ABLIM1: variants seen among roughly 807,000 people sequenced by gnomAD.
ABLIM1 encodes actin binding LIM protein 1.
Under a neutral mutation model 107.0 loss-of-function variants are expected in ABLIM1, and 40 were observed. The ratio of observed to expected loss-of-function variants is 0.37; its 90% confidence interval spans 0.29 to 0.49. ABLIM1 has a LOEUF of 0.49. ABLIM1 is among the 20% of genes least tolerant of loss of function. The probability of loss-of-function intolerance (pLI) is 0.97; values close to 1 mark genes in which losing one functional copy is unlikely to be tolerated. For synonymous variants in ABLIM1, 357 were observed against 357.3 expected, an observed-to-expected ratio of 1.00 and a Z score of 0.01; for missense variants, 857 against 1,008.5, an observed-to-expected ratio of 0.85 and a Z score of 2.04.
intron 1 of ABLIM1, among the ~76,000 whole-genome samples, chr10:114,715,434 T>C (rs992768410): frequency 1.3e-5 from 2 of 152,208 alleles, no homozygotes. Flanking sequence ...GCTCTTTCCT[T>C]AGTAAGAACC....
chr10:114,620,416 T>A (rs371286550), intron 1 of ABLIM1, among the ~76,000 whole-genome samples: 2 of 151,658 alleles, frequency 1.3e-5, no homozygotes, highest in African/African-American at 2.4e-5. Context: ...CCACACAATA[T>A]TTTTTTTTCT....
intron 10 of ABLIM1, 150 bp from the exon 11 acceptor site, chr10:114,468,366 C>T (rs2065663687): frequency 1.5e-6 from 1 of 671,460 alleles, no homozygotes; most frequent in Non-Finnish European, 2.6e-6. Context: ...TCTCCGCCTC[C>T]CAGGTTCAAG....
intron 8 of ABLIM1, 78 bp from the exon 9 acceptor site, chr10:114,474,034 C>A: frequency 3.7e-6 from 4 of 1,082,294 alleles, no homozygotes; most frequent in Middle Eastern, 2.0e-4. Flanking sequence ...TTAAGCTTTA[C>A]TAAAAACTCA....
intron 6 of ABLIM1, among the ~76,000 whole-genome samples, chr10:114,509,315 T>C (rs2061543453): frequency 6.6e-6 from 1 of 152,114 alleles, no homozygotes; most frequent in South Asian, 2.1e-4. Context: ...TGGACCCTGG[T>C]CTTTGTGGCC....
chr10:114,629,871 C>T lies in ABLIM1; in HGVS notation c.245-27910G>A, dbSNP rs1042098511. ...ACAAACAAACAAAAATGAAACGAAA[C>T]GAAACAAACCTGCCTTTCTCTGTTG... On this transcript the variant is annotated intron_variant, in intron 1 of 22. Coordinates refer to ENST00000533213, the MANE Select transcript of ABLIM1 (RefSeq NM_002313.7). This position sits in a 1 kb window ranked among gnomAD's most constrained non-coding sequence, Gnocchi z 4.0. Among the ~76,000 whole-genome samples, 8 of 152,106 alleles carry T rather than the reference C, an allele frequency of 5.3e-5. No homozygotes were observed. The highest frequency in any genetic ancestry group is 2.1e-4 in the South Asian group (1 of 4,828).
At chr10:114,757,323 G>A (rs1026152719) in intron 1 of ABLIM1, among the ~76,000 whole-genome samples, 3 of 152,138 alleles carry the variant, frequency 2.0e-5, no homozygotes, top group African/African-American at 7.2e-5. Flanking sequence ...GCTAGATGAT[G>A]ATCTCAGGCA....
intron 1 of ABLIM1, among the ~76,000 whole-genome samples, chr10:114,676,947 G>A (rs1375187270): frequency 4.6e-5 from 7 of 152,134 alleles, no homozygotes; most frequent in African/African-American, 1.7e-4. Flanking sequence ...TGTTGGCCAG[G>A]CTGGTCCCAA....
intron 1 of ABLIM1, among the ~76,000 whole-genome samples, chr10:114,727,957 C>T (rs141664270): frequency 1.5e-3 from 223 of 152,212 alleles, no homozygotes; most frequent in African/African-American, 5.2e-3. Flanking sequence ...TGTTCAAAAA[C>T]AGCCACCATA....
chr10:114,746,624 A>G (rs1172111153), intron 1 of ABLIM1, among the ~76,000 whole-genome samples: 1 of 152,126 alleles, frequency 6.6e-6, no homozygotes, highest in Non-Finnish European at 1.5e-5. Context: ...TAGTTTCTGG[A>G]GGAACCTCCA....
At chr10:114,801,204 A>T in the ABLIM1 span, among the ~76,000 whole-genome samples, 2 of 152,194 alleles carry the variant, frequency 1.3e-5, no homozygotes, top group African/African-American at 2.4e-5. Context: ...ACTTGACAAC[A>T]AGAGTCCTAG....
At position 114,490,734 on chromosome 10, in the gene ABLIM1, C is replaced by CATAT. The variant is rs10603115; in HGVS notation, c.982+1053_982+1056dup. Reference sequence around the variant, plus strand: ...AATTTCAGAGAACATAAAAACTGATCATATATATATATATATAATCAGTTT... The same window carrying CATAT: ...AATTTCAGAGAACATAAAAACTGATCATATATATATATATATATATAATCAGTTT... On this transcript the variant is annotated intron_variant, in intron 7 of 22. Coordinates refer to ENST00000533213, the MANE Select transcript of ABLIM1 (RefSeq NM_002313.7). 4.0e-4 allele frequency among the ~76,000 whole-genome samples: 60 copies of CATAT among 148,286 alleles called. 1 individual carries two copies. Among genetic ancestry groups the CATAT allele is most frequent in the African/African-American group, 1.4e-3 (57 of 40,504 alleles).
intron 1 of ABLIM1, among the ~76,000 whole-genome samples, chr10:114,691,494 T>G (rs1005204123): frequency 3.9e-5 from 6 of 152,200 alleles, no homozygotes; most frequent in African/African-American, 7.2e-5. Flanking sequence ...CAGTCTGCTA[T>G]GTTAGAGAGG....
At chr10:114,705,345 G>GTAATGAAAATCTTTTCCCTGTCACC (rs753940644) in intron 1 of ABLIM1, among the ~76,000 whole-genome samples, 12 of 152,152 alleles carry the variant, frequency 7.9e-5, no homozygotes, top group Non-Finnish European at 1.3e-4. Flanking sequence ...CATAATAGTT[G>GTAATGAAAATCTTTTCCCTGTCACC]CTGGGCATCA....
In ABLIM1 at chr10:114,513,525, C is replaced by T. The variant is rs17779843; in HGVS notation, c.895-21647G>A. ...ATTTATCCTGAGCAGGTTAATACCA[C>T]ACTGTGGCAATTTCATCTAGTCGAC... On this transcript the variant is annotated intron_variant, in intron 6 of 22. Transcript: ENST00000533213. 4.9e-3 allele frequency among the ~76,000 whole-genome samples: 747 copies of T among 152,310 alleles called. 5 individuals carry two copies. The highest frequency in any genetic ancestry group is 0.017 in the Middle Eastern group (5 of 294).
At chr10:114,791,191 G>A in the ABLIM1 span, among the ~76,000 whole-genome samples, 426 of 152,168 alleles carry the variant, frequency 2.8e-3, 1 homozygote, top group African/African-American at 9.6e-3. Flanking sequence ...AACTGATCCC[G>A]CCACATAAGC....
At chr10:114,609,366 T>C (rs574404903) in intron 1 of ABLIM1, among the ~76,000 whole-genome samples, 1 of 152,360 alleles carries the variant, frequency 6.6e-6, no homozygotes, top group African/African-American at 2.4e-5. Context: ...TAAATCAAAC[T>C]TGACCCATAC....
At chr10:114,498,812 A>G (rs1441844633) in intron 6 of ABLIM1, among the ~76,000 whole-genome samples, 4 of 152,232 alleles carry the variant, frequency 2.6e-5, no homozygotes, top group African/African-American at 9.6e-5. Flanking sequence ...AGAGGAACTG[A>G]TAGGCTGCCA....
intron 1 of ABLIM1, among the ~76,000 whole-genome samples, chr10:114,645,713 C>A (rs1202570402): frequency 1.3e-5 from 2 of 152,146 alleles, no homozygotes; most frequent in African/African-American, 4.8e-5. Flanking sequence ...TGCACACAGA[C>A]TACGCCAAAG....
At chr10:114,555,338 C>T (rs1175588028) in intron 4 of ABLIM1, among the ~76,000 whole-genome samples, 2 of 152,190 alleles carry the variant, frequency 1.3e-5, no homozygotes, top group Non-Finnish European at 2.9e-5. Flanking sequence ...GCAAATGCTT[C>T]ATTTTACACA....
Sources: gnomAD v4.1 joint callset for allele counts (sites outside exome capture counted in the v4.1 genomes callset) on GRCh38, gnomAD v4.1.1 for gene constraint, Gnocchi (gnomAD v3.1) non-coding constraint, MANE v1.5 for transcripts, NCBI Gene and HGNC (gene_info 2026-07-23, HGNC 2026-07-21) for gene names.